C12orf42: variants seen among roughly 807,000 people sequenced by gnomAD.
The protein encoded by C12orf42 is chromosome 12 open reading frame 42.
A neutral mutation model predicts 21.6 loss-of-function variants in C12orf42; 25 were observed. That is an observed-to-expected ratio of 1.16 (90% CI 0.84 to 1.62). The LOEUF (loss-of-function observed/expected upper bound fraction) is 1.62, where lower values mean the gene tolerates loss of function less well. Ranked by LOEUF, C12orf42 falls within the 40% of genes most tolerant of loss-of-function variation. C12orf42 has a pLI of 0.00. For missense variants in C12orf42, 483 were observed against 459.3 expected, an observed-to-expected ratio of 1.05 and a Z score of -0.47; for synonymous variants, 174 against 175.0, an observed-to-expected ratio of 0.99 and a Z score of 0.05.
At chr12:103,246,232 C>T (rs1426939194) in intron 10 of C12orf42, among the ~76,000 whole-genome samples, 1 of 152,022 alleles carries the variant, frequency 6.6e-6, no homozygotes, top group East Asian at 1.9e-4. Flanking sequence ...AAGAAATGTT[C>T]TCTTTAAATA....
the C12orf42 span, chr12:103,151,985 A>ATGCAGGGGAGATTCTCCTT: frequency 6.6e-6 from 1 of 152,222 alleles, no homozygotes; most frequent in Admixed American, 6.5e-5. Flanking sequence ...AAGAAATTTG[A>ATGCAGGGGAGATTCTCCTT]TGCAGGGGAG....
At chr12:103,059,348 C>T in the C12orf42 span, among the ~76,000 whole-genome samples, 7 of 152,056 alleles carry the variant, frequency 4.6e-5, no homozygotes, top group East Asian at 5.8e-4. Flanking sequence ...GTCTACCAAC[C>T]AATAAAAGCC....
chr12:103,195,348 A>C, the C12orf42 span, among the ~76,000 whole-genome samples: 2 of 152,084 alleles, frequency 1.3e-5, no homozygotes, highest in African/African-American at 2.4e-5. Flanking sequence ...GTTCTGTTTT[A>C]AGTTCTTTGA....
At chr12:103,478,305 T>C (rs963124007) in intron 2 of C12orf42, 44 bp downstream of exon 2, 1 of 1,310,438 alleles carries the variant, frequency 7.6e-7, no homozygotes, top group Non-Finnish European at 1.1e-6. Context: ...GCAAACCTAT[T>C]AACCTAAAAA....
At chr12:103,086,680 C>A in the C12orf42 span, among the ~76,000 whole-genome samples, 1 of 151,764 alleles carries the variant, frequency 6.6e-6, no homozygotes, top group African/African-American at 2.4e-5. Flanking sequence ...CATTTTGAAA[C>A]CCCAATAACT....
chr12:103,451,432 T>A (rs1190826319), intron 2 of C12orf42, among the ~76,000 whole-genome samples: 1 of 151,966 alleles, frequency 6.6e-6, no homozygotes, highest in Non-Finnish European at 1.5e-5. Context: ...AAGGCTAGTC[T>A]TCTGCTCCTG....
rs1007569290 is a variant in C12orf42 at position 103,368,092 on chromosome 12, G to A, written c.259+795C>T. ...GGCACATTTAAATATATCCTTTCAG[G>A]TCAGTGAAATGGTCCTAAAAATGGA... On this transcript the variant is annotated intron_variant, in intron 4 of 5. Coordinates refer to ENST00000548883, the MANE Select transcript of C12orf42 (RefSeq NM_198521.5). The A allele has an allele frequency of 4.7e-6, 6 of 1,281,830 alleles. No individual in the cohort carries two copies. In the Admixed American group the frequency reaches 6.9e-5, roughly 15 times the overall value. 79.4% of individuals were successfully genotyped at this position (1,281,830 alleles called of 1,614,324 possible).
intron 4 of C12orf42, among the ~76,000 whole-genome samples, chr12:103,313,460 A>G (rs755287542): frequency 2.6e-5 from 4 of 152,190 alleles, no homozygotes; most frequent in African/African-American, 7.2e-5. Flanking sequence ...GAGCACAAGC[A>G]CTGGATCCAG....
intron 3 of C12orf42, among the ~76,000 whole-genome samples, chr12:103,394,744 G>A (rs946601295): frequency 6.6e-6 from 1 of 152,166 alleles, no homozygotes; most frequent in African/African-American, 2.4e-5. Context: ...AAGTACAGAT[G>A]GGGTCGCTTT....
At chr12:103,068,057 A>T in the C12orf42 span, among the ~76,000 whole-genome samples, 2 of 152,192 alleles carry the variant, frequency 1.3e-5, no homozygotes. Context: ...CAGCAAAAAA[A>T]GCATGACCTG....
chr12:103,156,082 T>A, the C12orf42 span: 1 of 152,124 alleles, frequency 6.6e-6, no homozygotes, highest in Non-Finnish European at 1.5e-5. Flanking sequence ...TAATTTATAT[T>A]CTGTATTTAT....
At chr12:103,383,753 C>T (rs1217855822) in intron 3 of C12orf42, among the ~76,000 whole-genome samples, 1 of 152,194 alleles carries the variant, frequency 6.6e-6, no homozygotes, top group Non-Finnish European at 1.5e-5. Flanking sequence ...CTTAACCACT[C>T]TTGAATTCAA....
chr12:103,358,847 G>C (rs1262616344), intron 4 of C12orf42, among the ~76,000 whole-genome samples: 1 of 151,954 alleles, frequency 6.6e-6, no homozygotes, highest in Non-Finnish European at 1.5e-5. Flanking sequence ...TAATTATCCA[G>C]ACAACAACAG....
chr12:103,096,166 G>A, the C12orf42 span, among the ~76,000 whole-genome samples: 326 of 152,248 alleles, frequency 2.1e-3, no homozygotes, highest in Middle Eastern at 6.8e-3. Context: ...CATTGCTGCC[G>A]TAAAAAGCAA....
chr12:103,311,045 G>C (rs2136641857), intron 4 of C12orf42, among the ~76,000 whole-genome samples: 1 of 152,222 alleles, frequency 6.6e-6, no homozygotes, highest in South Asian at 2.1e-4. Flanking sequence ...GTCATCTGAG[G>C]CTGAGCCCCC....
the C12orf42 span, among the ~76,000 whole-genome samples, chr12:103,055,062 C>G: frequency 1.3e-5 from 2 of 151,750 alleles, no homozygotes; most frequent in African/African-American, 4.8e-5. Flanking sequence ...CTGGTTTTGA[C>G]ATTTGGATAA....
chr12:103,361,671 G>A (rs1375069322), intron 4 of C12orf42, among the ~76,000 whole-genome samples: 2 of 151,982 alleles, frequency 1.3e-5, no homozygotes, highest in Admixed American at 6.6e-5. Context: ...TGGTACCTAC[G>A]GTGGGAGTGA....
chr12:103,472,080 AG>A (rs1250178572), intron 2 of C12orf42: 6 of 93,626 alleles, frequency 6.4e-5, no homozygotes, highest in Non-Finnish European at 1.1e-4. Context: ...TTTGAGATGG[AG>A]TCTTGCTCTG....
the C12orf42 span, among the ~76,000 whole-genome samples, chr12:103,502,973 C>T: frequency 3.3e-5 from 5 of 152,190 alleles, no homozygotes; most frequent in East Asian, 9.6e-4. Context: ...CAATAAATTA[C>T]TGTCATTCCC....
Sources: allele counts gnomAD v4.1 joint callset (sites outside exome capture counted in the v4.1 genomes callset), GRCh38; gene constraint gnomAD v4.1.1; transcripts MANE v1.5; gene names NCBI Gene and HGNC (gene_info 2026-07-23, HGNC 2026-07-21).